RIN3: variants seen among roughly 807,000 people sequenced by gnomAD.
The protein encoded by RIN3 is Ras and Rab interactor 3, also known as RAB5 interacting protein 3.
A neutral mutation model predicts 76.3 loss-of-function variants in RIN3; 54 were observed. The ratio of observed to expected loss-of-function variants is 0.71; its 90% CI spans 0.57 to 0.89. The LOEUF is 0.89. Among genes scored for constraint, RIN3 ranks in the 40% least tolerant of loss-of-function variants. The pLI, the probability that RIN3 is intolerant of heterozygous loss-of-function variation, is 0.00. For synonymous variants in RIN3, 576 were observed against 564.0 expected, an observed-to-expected ratio of 1.02 and a Z score of -0.30; for missense variants, 1,256 against 1,322.1, an observed-to-expected ratio of 0.95 and a Z score of 0.78.
chr14:92,561,020 TAA>T (rs1324990452), intron 2 of RIN3, among the ~76,000 whole-genome samples: 1 of 23,642 alleles, frequency 4.2e-5, no homozygotes, highest in Non-Finnish European at 7.7e-5. Context: ...AAACTCTGTC[TAA>T]AAAAAAAAAA....
At chr14:92,639,847 A>G (rs1295516053) in intron 4 of RIN3, among the ~76,000 whole-genome samples, 30 of 124,076 alleles carry the variant, frequency 2.4e-4, no homozygotes, top group East Asian at 1.3e-3. Context: ...TGCTCGTCAG[A>G]GGCTGCCTGA....
chr14:92,600,239 G>A (rs1242072181), intron 3 of RIN3, among the ~76,000 whole-genome samples: 1 of 152,200 alleles, frequency 6.6e-6, no homozygotes, highest in African/African-American at 2.4e-5. Flanking sequence ...AAATGAATAA[G>A]GAAATTGAGA....
rs377328279 is a variant in RIN3, at chr14:92,572,441, A to G, written c.250-4919A>G. The stretch of plus-strand genomic sequence containing the variant: ...GAGAAGATGCTGATCACCAGTTTTC[A>G]GGTTTTTTTCTATCTCTTGGGAGAC... On this transcript the variant is annotated intron_variant, in intron 2 of 9. Transcript: ENST00000216487. 2.6e-5 allele frequency among the ~76,000 whole-genome samples: 4 copies of G among 152,180 alleles called. No homozygotes were observed. The East Asian group carries it at 7.7e-4, about 29-fold the overall frequency.
intron 4 of RIN3, among the ~76,000 whole-genome samples, chr14:92,619,411 G>T (rs1595460546): frequency 6.9e-6 from 1 of 145,206 alleles, no homozygotes; most frequent in African/African-American, 2.6e-5. Flanking sequence ...TATATACCTT[G>T]CATGTAAAAC....
chr14:92,646,639 CATGTT>C (rs1191809140), intron 5 of RIN3, among the ~76,000 whole-genome samples: 1 of 152,120 alleles, frequency 6.6e-6, no homozygotes, highest in Non-Finnish European at 1.5e-5. Flanking sequence ...GGAGTTTCAC[CATGTT>C]GACCAGGCTG....
At chr14:92,636,063 C>T (rs1033953583) in intron 4 of RIN3, among the ~76,000 whole-genome samples, 1 of 152,120 alleles carries the variant, frequency 6.6e-6, no homozygotes, top group Non-Finnish European at 1.5e-5. Context: ...CCCTCTGTGC[C>T]CCAGTCTTCG....
chr14:92,615,643 T>C, intron 4 of RIN3, 164 bp downstream of exon 4: 1 of 643,408 alleles, frequency 1.6e-6, no homozygotes, highest in Non-Finnish European at 2.8e-6. Context: ...AGAGGATGTG[T>C]TGGCTCTGAG....
chr14:92,599,763 C>T (rs1230956294), intron 3 of RIN3, among the ~76,000 whole-genome samples: 3 of 152,150 alleles, frequency 2.0e-5, no homozygotes, highest in East Asian at 1.9e-4. Flanking sequence ...GTGTTCTTGA[C>T]CTTTGGACTG....
At chr14:92,585,883 G>A (rs191117957) in intron 3 of RIN3, among the ~76,000 whole-genome samples, 11 of 152,210 alleles carry the variant, frequency 7.2e-5, no homozygotes, top group African/African-American at 1.4e-4. Flanking sequence ...GATTGGTGTC[G>A]AGAAGGCAGC....
At chr14:92,519,026 G>A (rs1184239419) in intron 1 of RIN3, among the ~76,000 whole-genome samples, 1 of 152,098 alleles carries the variant, frequency 6.6e-6, no homozygotes, top group Non-Finnish European at 1.5e-5. Flanking sequence ...TTTCCCATCT[G>A]AGAAAAGAGC....
intron 4 of RIN3, among the ~76,000 whole-genome samples, chr14:92,635,102 G>GT (rs1314888101): frequency 6.6e-6 from 1 of 152,184 alleles, no homozygotes; most frequent in East Asian, 1.9e-4. Context: ...CTATCTGGAG[G>GT]TTTTTCTTGG....
intron 6 of RIN3, 122 bp from the exon 7 acceptor site, chr14:92,659,039 G>T: frequency 1.1e-6 from 1 of 873,610 alleles, no homozygotes. Flanking sequence ...TATAACTGCT[G>T]GGGCTGTGAG....
chr14:92,606,028 A>AG (rs1885514676), intron 3 of RIN3, among the ~76,000 whole-genome samples: 1 of 152,084 alleles, frequency 6.6e-6, no homozygotes, highest in Admixed American at 6.5e-5. Context: ...AGACAAGGTC[A>AG]GATGCAGTGG....
intron 5 of RIN3, chr14:92,650,787 C>G (rs1887385400): frequency 6.6e-6 from 1 of 152,556 alleles, no homozygotes; most frequent in African/African-American, 2.4e-5. Context: ...TTGCCTGTCC[C>G]TAGCCTGCTT....
intron 4 of RIN3, among the ~76,000 whole-genome samples, chr14:92,631,819 GTCTTGAAC>G (rs72007608): frequency 0.05 from 7,666 of 152,160 alleles, 567 homozygotes; most frequent in African/African-American, 0.16. Flanking sequence ...GGTCAGGCTG[GTCTTGAAC>G]TCCTGACCTC....
At chr14:92,675,217 T>C (rs1279119574) in intron 7 of RIN3, among the ~76,000 whole-genome samples, 1 of 152,230 alleles carries the variant, frequency 6.6e-6, no homozygotes, top group Admixed American at 6.5e-5. Flanking sequence ...AGAGTAGTTG[T>C]GTAGGTTCCT....
chr14:92,543,257 G>T lies in RIN3; in HGVS notation c.45-12494G>T, dbSNP rs139608299. On this transcript the variant is annotated intron_variant, in intron 1 of 9. Transcript: ENST00000216487. Reference sequence around the variant, plus strand: ...TGTTCACATAGTTTAGAGGCTTTATGGGGGGTGGGGGGAGTAGTCCTCATG... The same window carrying T: ...TGTTCACATAGTTTAGAGGCTTTATTGGGGGTGGGGGGAGTAGTCCTCATG... 1.9e-3 allele frequency among the ~76,000 whole-genome samples: 289 copies of T among 152,190 alleles called. 1 individual carries two copies. The highest frequency in any genetic ancestry group is 6.2e-3 in the African/African-American group (258 of 41,524).
rs530960048 is a variant in RIN3, at chr14:92,527,859, G to A, written c.44+13883G>A. Among the ~76,000 whole-genome samples, 8 of 152,240 alleles carry A rather than the reference G, an allele frequency of 5.3e-5. No homozygotes were observed. The East Asian group carries it at 5.8e-4, about 11-fold the overall frequency. On this transcript the variant is annotated intron_variant, in intron 1 of 9. Coordinates refer to ENST00000216487, the MANE Select transcript of RIN3 (RefSeq NM_024832.5). ...TCCTCTTTGTCGCTGAGAATATTTC[G>A]TTGTGTGGATCTACCAGTGTGTTTA...
intron 9 of RIN3, chr14:92,686,964 G>C (rs1170630346): frequency 6.6e-6 from 1 of 152,214 alleles, no homozygotes; most frequent in Non-Finnish European, 1.5e-5. Flanking sequence ...ACAGGAGCCC[G>C]GCCTCGCCTA....
Sources: allele counts gnomAD v4.1 joint callset (sites outside exome capture counted in the v4.1 genomes callset), GRCh38; gene constraint gnomAD v4.1.1; transcripts MANE v1.5; gene names NCBI Gene and HGNC (gene_info 2026-07-23, HGNC 2026-07-21).